The following UBP1 variants were observed in gnomAD, a reference collection of about 807,000 sequenced individuals.
The protein encoded by UBP1 is upstream binding protein 1, also known as upstream-binding protein 1.
A neutral mutation model predicts 76.1 loss-of-function variants in UBP1; 22 were observed. The ratio of observed to expected loss-of-function variants is 0.29; its 90% confidence interval spans 0.21 to 0.41. The LOEUF is 0.41. Ranked by LOEUF, UBP1 falls within the 10% of genes least tolerant of loss-of-function variation. The pLI is 1.00. For synonymous variants in UBP1, 224 were observed against 237.1 expected, an observed-to-expected ratio of 0.94 and a Z score of 0.51; for missense variants, 436 against 668.1, an observed-to-expected ratio of 0.65 and a Z score of 3.83.
intron 1 of UBP1, among the ~76,000 whole-genome samples, chr3:33,428,377 C>T (rs2045056470): frequency 6.6e-6 from 1 of 151,970 alleles, no homozygotes; most frequent in Non-Finnish European, 1.5e-5. Flanking sequence ...AAAAATAACA[C>T]AGGGAATAAT....
At chr3:33,400,366 T>G in intron 10 of UBP1, 84 bp from the exon 11 acceptor site, 1 of 1,128,352 alleles carries the variant, frequency 8.9e-7, no homozygotes. Flanking sequence ...CCTCGGAGTC[T>G]GAAGTAAAAA....
chr3:33,396,935 G>T, intron 12 of UBP1, 110 bp downstream of exon 12: 1 of 958,076 alleles, frequency 1.0e-6, no homozygotes, highest in Non-Finnish European at 1.7e-6. Context: ...ATGCTCGATG[G>T]CGCACACAGG....
Position 33,439,928 on chromosome 3 carries a change from G to A in UBP1, c.-80C>T, listed in dbSNP as rs1435855994. On this transcript the variant is annotated 5_prime_UTR_variant, in exon 1 of 16. Transcript: ENST00000283629. Reference sequence around the variant, plus strand: ...AGCCGGAGCTCCGCTGGCGCGTCCTGGGGGAGGGCGCGGGTGAAGCCTCCG... The same window carrying A: ...AGCCGGAGCTCCGCTGGCGCGTCCTAGGGGAGGGCGCGGGTGAAGCCTCCG... 5 of 1,510,916 alleles carry A rather than the reference G, an allele frequency of 3.3e-6. No homozygotes were observed. Among genetic ancestry groups the A allele is most frequent in the Non-Finnish European group, 4.5e-6 (5 of 1,107,336 alleles). The allele number at this position is 1,510,916 out of a possible 1,614,324, so 93.6% of individuals were successfully genotyped here.
intron 3 of UBP1, among the ~76,000 whole-genome samples, chr3:33,413,746 C>A (rs917725481): frequency 3.3e-5 from 5 of 152,020 alleles, no homozygotes; most frequent in Non-Finnish European, 7.4e-5. Flanking sequence ...TTATAGGGCT[C>A]AGTGGCTGCT....
At chr3:33,433,204 G>A (rs1386758665) in intron 1 of UBP1, among the ~76,000 whole-genome samples, 1 of 150,898 alleles carries the variant, frequency 6.6e-6, no homozygotes, top group Non-Finnish European at 1.5e-5. Flanking sequence ...GGGATTACAG[G>A]TACATGCCAC....
At chr3:33,396,979 G>T in intron 12 of UBP1, 66 bp downstream of exon 12, 1 of 1,444,814 alleles carries the variant, frequency 6.9e-7, no homozygotes, top group Non-Finnish European at 9.7e-7. Context: ...AACACATTCT[G>T]CCCAAATTCC....
intron 3 of UBP1, among the ~76,000 whole-genome samples, 156 bp from the exon 4 acceptor site, chr3:33,412,983 C>G (rs1401176846): frequency 6.6e-6 from 1 of 152,092 alleles, no homozygotes; most frequent in Non-Finnish European, 1.5e-5. Context: ...CCCTTGGATA[C>G]CTGGATTACG....
At chr3:33,408,285 A>T (rs1332708984) in intron 8 of UBP1, among the ~76,000 whole-genome samples, 1 of 152,242 alleles carries the variant, frequency 6.6e-6, no homozygotes, top group Non-Finnish European at 1.5e-5. Context: ...CACATGAGAA[A>T]GCAAGACCCT....
chr3:33,436,153 A>G (rs1466331573), intron 1 of UBP1, among the ~76,000 whole-genome samples: 1 of 152,246 alleles, frequency 6.6e-6, no homozygotes, highest in Non-Finnish European at 1.5e-5. Flanking sequence ...GTGACAGATA[A>G]TAGTGTACAT....
At chr3:33,394,520 C>CATCG (rs1359362347) in intron 13 of UBP1, among the ~76,000 whole-genome samples, 1 of 152,026 alleles carries the variant, frequency 6.6e-6, no homozygotes, top group Non-Finnish European at 1.5e-5. Context: ...AGCCACATTC[C>CATCG]AGTGTTCTGC....
chr3:33,430,422 G>A (rs2045093606), intron 1 of UBP1, among the ~76,000 whole-genome samples: 1 of 152,214 alleles, frequency 6.6e-6, no homozygotes, highest in Non-Finnish European at 1.5e-5. Context: ...GGTCTGACAA[G>A]CAAGTGAAAA....
chr3:33,437,277 G>A (rs1249574218), intron 1 of UBP1, among the ~76,000 whole-genome samples: 2 of 151,730 alleles, frequency 1.3e-5, no homozygotes, highest in Non-Finnish European at 2.9e-5. Context: ...CAAAAGAGAA[G>A]GGGGTCTCAT....
At chr3:33,429,470 C>T (rs1429705046) in intron 1 of UBP1, among the ~76,000 whole-genome samples, 1 of 152,032 alleles carries the variant, frequency 6.6e-6, no homozygotes, top group Non-Finnish European at 1.5e-5. Flanking sequence ...GCTAGTATTA[C>T]AGGCTTGTAC....
At chr3:33,420,488 CTTTT>C (rs749437546) in intron 2 of UBP1, among the ~76,000 whole-genome samples, 4 of 120,624 alleles carry the variant, frequency 3.3e-5, no homozygotes, top group African/African-American at 9.6e-5. Context: ...ACCATACTGG[CTTTT>C]TTTTTTTTTT....
rs746365080 is a variant in UBP1, at chr3:33,412,797, G to A, written c.373C>T (p.Arg125Trp). Residue 125 changes from arginine to tryptophan, a missense_variant, in exon 4 of 16, where the codon CGG (arginine) becomes TGG (tryptophan). This residue lies in a region of UBP1 where 161 missense variants were observed against 237.9 expected (regional missense o/e 0.68). Transcript: ENST00000283629. ...SIIRVVFHDR[R>W]LQYTEHQQLE... is the part of the protein sequence containing the mutation. ...TGCTGATGCTCTGTGTATTGTAGCC[G>A]TCTGTCATGGAATACAACCCTTATG... The A allele has an allele frequency of 2.2e-5, 36 of 1,613,682 alleles. No individual in the cohort carries two copies. The highest frequency in any genetic ancestry group is 2.7e-5 in the African/African-American group (2 of 74,892).
At chr3:33,427,831 C>T (rs981986911) in intron 1 of UBP1, among the ~76,000 whole-genome samples, 1 of 152,212 alleles carries the variant, frequency 6.6e-6, no homozygotes, top group African/African-American at 2.4e-5. Flanking sequence ...AGAGTTCTCT[C>T]AACACCTTGA....
chr3:33,398,156 T>C (rs2044080633), intron 11 of UBP1: 1 of 152,198 alleles, frequency 6.6e-6, no homozygotes, highest in South Asian at 2.1e-4. Context: ...ACACCCAGGA[T>C]ACAGTTTATT....
chr3:33,438,133 G>T (rs1024372193), intron 1 of UBP1, among the ~76,000 whole-genome samples: 1 of 152,134 alleles, frequency 6.6e-6, no homozygotes, highest in African/African-American at 2.4e-5. Flanking sequence ...CATCAAGATT[G>T]TACTTCCTTT....
rs10709462 is a variant in UBP1, at chr3:33,434,682, C to CTTTT, written c.113+5050_113+5053dup. 1.3e-3 allele frequency among the ~76,000 whole-genome samples: 118 copies of CTTTT among 87,722 alleles called. 3 individuals are homozygous for CTTTT. Among genetic ancestry groups the CTTTT allele is most frequent in the East Asian group, 2.6e-3 (8 of 3,124 alleles). The allele number at this position is 87,722 out of a possible 152,430, so 57.5% of individuals were successfully genotyped here. On this transcript the variant is annotated intron_variant, in intron 1 of 15. Transcript: ENST00000283629. ...CAATTATGGGGTAAGAATGGTTTTA[C>CTTTT]TTTTTTTTTTTTTTTTTTTTTTTGA...
Sources: allele counts gnomAD v4.1 joint callset (sites outside exome capture counted in the v4.1 genomes callset), GRCh38; gene constraint gnomAD v4.1.1; regional missense constraint gnomAD v4.1.1; transcripts MANE v1.5; gene names NCBI Gene and HGNC (gene_info 2026-07-23, HGNC 2026-07-21).